The following PRKDC variants were observed in gnomAD, a reference collection of about 807,000 sequenced individuals.
The protein encoded by PRKDC is DNA-dependent protein kinase catalytic subunit.
In PRKDC, 82 loss-of-function variants were observed where a neutral mutation model predicts 486.9. The observed-to-expected ratio is 0.17, with a 90% CI of 0.14 to 0.20. The LOEUF is 0.20. Ranked by LOEUF, PRKDC falls within the 10% of genes least tolerant of loss-of-function variation. The pLI, the probability that PRKDC is intolerant of heterozygous loss-of-function variation, is 1.00. For synonymous variants in PRKDC, 1,895 were observed against 1,837.0 expected (o/e 1.03, Z -0.81); for missense variants, 4,504 against 5,038.2 (o/e 0.89, Z 3.21).
At chr8:47,882,122 A>C (rs1421709967) in intron 36 of PRKDC, 25 bp from the exon 37 acceptor site, 4 of 1,575,392 alleles carry the variant, frequency 2.5e-6, no homozygotes, top group Non-Finnish European at 3.4e-6. Context: ...TTGTGAGTGA[A>C]GAAAAATTCT....
In PRKDC at chr8:47,832,004, T is replaced by G. The variant is rs1413999099; in HGVS notation, c.8153-78A>C. On this transcript the variant is annotated intron_variant, in intron 59 of 85. Transcript: ENST00000314191. ...TGCTGGTTCATTTTCACCTCGGGTT[T>G]CCTCAAAGACAAAACCTACAGGTGC... is the stretch of plus-strand genomic sequence containing the variant. 4 of 1,347,576 alleles carry G rather than the reference T, an allele frequency of 3.0e-6. No homozygotes were observed. In the East Asian group the frequency reaches 6.9e-5, roughly 23 times the overall value. 83.5% of individuals were successfully genotyped at this position (1,347,576 alleles called of 1,614,324 possible). A position where few individuals can be genotyped will look rare whatever the true frequency, so the allele number is the denominator to read the frequency against.
chr8:47,936,233 A>C (rs1249007234), intron 12 of PRKDC, 120 bp downstream of exon 12: 2 of 1,156,192 alleles, frequency 1.7e-6, no homozygotes, highest in African/African-American at 1.5e-5. Flanking sequence ...CAAAGTACTA[A>C]CTAAAACTGT....
In PRKDC at chr8:47,778,711, G is replaced by C; in HGVS notation, c.11651+17C>G. 6.2e-7 allele frequency: 1 copy of C among 1,613,522 alleles called. No individual in the cohort carries two copies. Among genetic ancestry groups the C allele is most frequent in the South Asian group, 1.1e-5 (1 of 90,998 alleles). ...CTGCTGTGATCCCACTAAGGGTGAG[G>C]GCAGAAGGGTACTTACTTTAAGAGA... On this transcript the variant is annotated intron_variant, in intron 82 of 85. Coordinates refer to ENST00000314191, the MANE Select transcript of PRKDC (RefSeq NM_006904.7).
At position 47,803,384 on chromosome 8, in the gene PRKDC, G is replaced by A. The variant is rs376488016; in HGVS notation, c.9844C>T (p.Arg3282Cys). 12 of 1,613,842 alleles carry A rather than the reference G, an allele frequency of 7.4e-6. No homozygotes were observed. Among genetic ancestry groups the A allele is most frequent in the African/African-American group, 1.3e-5 (1 of 74,912 alleles). The change falls in exon 70 of 86, where the codon CGC becomes TGC. Residue 3282 changes from arginine (R) to cysteine (C), a missense_variant. Coordinates refer to ENST00000314191, the MANE Select transcript of PRKDC (RefSeq NM_006904.7). ...GACCGGCTCCGGCAGTGGCTCAGGCGGCAGTAGCTCTGCACCCAGCTCACC... is the reference window on the plus strand; with the variant it reads ...GACCGGCTCCGGCAGTGGCTCAGGCAGCAGTAGCTCTGCACCCAGCTCACC... ...WLVSWVQSYC[R>C]LSHCRSRSQG...
intron 22 of PRKDC, among the ~76,000 whole-genome samples, chr8:47,916,272 A>C (rs2089980433): frequency 6.6e-6 from 1 of 152,056 alleles, no homozygotes; most frequent in Non-Finnish European, 1.5e-5. Flanking sequence ...ACATGGTGAA[A>C]GCCCGTCTCT....
chr8:47,790,577 C>T (rs1016157143), intron 74 of PRKDC, among the ~76,000 whole-genome samples: 1 of 152,140 alleles, frequency 6.6e-6, no homozygotes, highest in Admixed American at 6.5e-5. Flanking sequence ...TTGTATGGAA[C>T]CACAAAAGAC....
rs374825096 is a variant in PRKDC, at chr8:47,800,876, G to T, written c.10033C>A (p.Pro3345Thr). The T allele has an allele frequency of 1.4e-5, 23 of 1,613,520 alleles. 1 individual carries two copies. The African/African-American group carries it at 1.6e-4, about 11-fold the overall frequency. ...TCCTCGATTTCAGCAAGGCAGGCTG[G>T]CTCACTGCTGAGAGCATTCGCTATG... ...RIIANALSSE[P>T]ACLAEIEEDK... The change falls in exon 71 of 86, where the codon CCA becomes ACA. Residue 3345 changes from proline to threonine, a missense_variant. By Grantham distance (38) the Pro-to-Thr change is conservative. Around this residue, in one of 6 missense-constraint regions of PRKDC, gnomAD observed 1,592 missense variants for 1,724.6 expected, o/e 0.92. Coordinates refer to ENST00000314191, the MANE Select transcript of PRKDC (RefSeq NM_006904.7).
At chr8:47,861,990 C>A (rs971420211) in intron 44 of PRKDC, 72 bp downstream of exon 44, 1 of 1,218,436 alleles carries the variant, frequency 8.2e-7, no homozygotes, top group Non-Finnish European at 1.2e-6. Context: ...GGCAACTTAA[C>A]GTGTTTGACA....
At chr8:47,850,702 A>C (rs1589741456) in intron 52 of PRKDC, among the ~76,000 whole-genome samples, 1 of 152,244 alleles carries the variant, frequency 6.6e-6, no homozygotes, top group Non-Finnish European at 1.5e-5. Flanking sequence ...GCAAGTAAAG[A>C]AAGCAAGTTA....
chr8:47,927,666 G>T, intron 20 of PRKDC, 105 bp downstream of exon 20: 1 of 1,352,130 alleles, frequency 7.4e-7, no homozygotes, highest in Non-Finnish European at 9.7e-7. Context: ...GCACGCCTGT[G>T]AGGAAACGCC....
chr8:47,837,121 GA>G, intron 57 of PRKDC, 90 bp downstream of exon 57: 2 of 1,308,872 alleles, frequency 1.5e-6, no homozygotes, highest in Non-Finnish European at 2.1e-6. Flanking sequence ...TGTATTCTGA[GA>G]AGGCAAAGAG....
At chr8:47,877,665 A>G (rs549477762) in intron 40 of PRKDC, 59 bp downstream of exon 40, 1 of 1,408,302 alleles carries the variant, frequency 7.1e-7, no homozygotes, top group Non-Finnish European at 9.4e-7. Flanking sequence ...CAGAGAGGAT[A>G]ATTTCCCACA....
chr8:47,781,928 T>C (rs2086705512), intron 80 of PRKDC, among the ~76,000 whole-genome samples: 1 of 152,240 alleles, frequency 6.6e-6, no homozygotes, highest in Admixed American at 6.5e-5. Flanking sequence ...TATTATTTAT[T>C]TCCTTCAACA....
At position 47,902,764 on chromosome 8, in the gene PRKDC, A is replaced by G. The variant is rs1295535349; in HGVS notation, c.3074T>C (p.Leu1025Ser). 6 of 1,613,394 alleles carry G rather than the reference A, an allele frequency of 3.7e-6. No individual in the cohort carries two copies. Among genetic ancestry groups the G allele is most frequent in the Non-Finnish European group, 5.1e-6 (6 of 1,179,666 alleles). ...DGIVDPVDST[L>S]RDFCGRCIRE... Reference sequence around the variant, plus strand: ...AATACACCGACCACAAAAATCTCTTAAAGTACTGTCAACAGGGTCCACAAT... The same window carrying G: ...AATACACCGACCACAAAAATCTCTTGAAGTACTGTCAACAGGGTCCACAAT... The change falls in exon 27 of 86, where the codon TTA becomes TCA. Residue 1025 changes from leucine (L) to serine (S), a missense_variant. This residue lies in a region of PRKDC where 1,969 missense variants were observed against 2,068.9 expected (regional missense o/e 0.95). Coordinates refer to ENST00000314191, the MANE Select transcript of PRKDC (RefSeq NM_006904.7).
chr8:47,788,111 A>T (rs1370300457), intron 76 of PRKDC, among the ~76,000 whole-genome samples: 1 of 152,260 alleles, frequency 6.6e-6, no homozygotes, highest in Non-Finnish European at 1.5e-5. Context: ...CAAAAACTAG[A>T]AAGAAAAGTC....
Position 47,904,748 on chromosome 8 carries a change from G to T in PRKDC, c.3042+121C>A. 5.7e-6 allele frequency: 4 copies of T among 696,884 alleles called. No homozygotes were observed. The Admixed American group carries it at 1.2e-4, about 20-fold the overall frequency. The allele number at this position is 696,884 out of a possible 1,614,324, so 43.2% of individuals were successfully genotyped here. A position where few individuals can be genotyped will look rare whatever the true frequency, so the allele number is the denominator to read the frequency against. On this transcript the variant is annotated intron_variant, in intron 26 of 85. Transcript: ENST00000314191. ...GCGCAGGTTGCAGTGAGCCAAGATC[G>T]TGCCACTGCATTCCAGCCTGGGCGA...
chr8:47,946,882 T>C (rs568243448), intron 7 of PRKDC, among the ~76,000 whole-genome samples: 1 of 152,226 alleles, frequency 6.6e-6, no homozygotes, highest in South Asian at 2.1e-4. Context: ...TCACAGTCTC[T>C]CAATCCTACA....
At chr8:47,834,164 C>G in intron 59 of PRKDC, 32 bp downstream of exon 59, 1 of 1,612,428 alleles carries the variant, frequency 6.2e-7, no homozygotes, top group Non-Finnish European at 8.5e-7. Flanking sequence ...AGTGGGGAAG[C>G]TATTTTAAGC....
chr8:47,824,123 T>A, intron 63 of PRKDC, 127 bp from the exon 64 acceptor site: 2 of 995,032 alleles, frequency 2.0e-6, no homozygotes, highest in Non-Finnish European at 2.6e-6. Flanking sequence ...AGTGTTACTT[T>A]AATTTTGCTA....
Sources: allele counts gnomAD v4.1 joint callset (sites outside exome capture counted in the v4.1 genomes callset), GRCh38; gene constraint gnomAD v4.1.1; regional missense constraint gnomAD v4.1.1; transcripts MANE v1.5; gene names NCBI Gene and HGNC (gene_info 2026-07-23, HGNC 2026-07-21).